The following TLL2 variants were observed in gnomAD, a reference collection of about 807,000 sequenced individuals.
TLL2 encodes tolloid-like protein 2.
In TLL2, 106 loss-of-function variants were observed where a neutral mutation model predicts 123.0. That is an observed-to-expected ratio of 0.86 (90% CI 0.74 to 1.01). The LOEUF (loss-of-function observed/expected upper bound fraction) is 1.01, where lower values mean the gene tolerates loss of function less well. Ranked by LOEUF, TLL2 falls within the 50% of genes least tolerant of loss-of-function variation. The pLI, the probability that TLL2 is intolerant of heterozygous loss-of-function variation, is 0.00. For missense variants in TLL2, 1,332 were observed against 1,336.7 expected, an observed-to-expected ratio of 1.00 and a Z score of 0.06; for synonymous variants, 494 against 516.8, an observed-to-expected ratio of 0.96 and a Z score of 0.60.
Position 96,395,878 on chromosome 10 carries a change from A to C in TLL2, c.1527T>G (p.Phe509Leu). Residue 509 changes from phenylalanine to leucine, a missense_variant, in exon 12 of 21, where the codon TTT (phenylalanine) becomes TTG (leucine). Physicochemically the swap from Phe to Leu is conservative, Grantham distance 22. Transcript: ENST00000357947. ...GFHVGLTFQA[F>L]EIERHDSCAY... ...AGCCGGTCTGAGCAGCACTCACCTCAAAAGCTTGGAAGGTAAGTCCCACGT... is the reference window on the plus strand; with the variant it reads ...AGCCGGTCTGAGCAGCACTCACCTCCAAAGCTTGGAAGGTAAGTCCCACGT... 1 of 1,614,188 alleles carries C rather than the reference A, an allele frequency of 6.2e-7. No homozygotes were observed. Among genetic ancestry groups the C allele is most frequent in the Non-Finnish European group, 8.5e-7 (1 of 1,180,024 alleles).
chr10:96,397,249 G>T lies in TLL2; in HGVS notation c.1321C>A (p.Leu441Ile), dbSNP rs138680811. The stretch of plus-strand genomic sequence containing the variant: ...CTGCTGCTGCGGAACTCCACCCAGA[G>T]CCGGCTGTCCGTGGAGACGAGGGGC... ...PEPLVSTDSRLWVEFRSSSNI... is the reference protein window; with the variant it reads ...PEPLVSTDSRIWVEFRSSSNI... Residue 441 changes from leucine (L) to isoleucine (I), a missense_variant, in exon 11 of 21, where the codon CTC becomes ATC. Transcript: ENST00000357947. 1.2e-6 allele frequency: 2 copies of T among 1,613,766 alleles called. No individual in the cohort carries two copies. The highest frequency in any genetic ancestry group is 2.7e-5 in the African/African-American group (2 of 74,922).
chr10:96,509,156 A>G (rs1230741117), intron 1 of TLL2, among the ~76,000 whole-genome samples: 1 of 152,182 alleles, frequency 6.6e-6, no homozygotes. Flanking sequence ...TGAGCGAATG[A>G]GCCTTCAGAT....
At chr10:96,492,353 G>A (rs995577146) in intron 1 of TLL2, among the ~76,000 whole-genome samples, 4 of 152,310 alleles carry the variant, frequency 2.6e-5, no homozygotes, top group East Asian at 1.9e-4. Context: ...GCTAGGCGCC[G>A]TGGCTCACGC....
chr10:96,443,954 C>T (rs1226713907), intron 3 of TLL2, among the ~76,000 whole-genome samples: 1 of 152,206 alleles, frequency 6.6e-6, no homozygotes, highest in Non-Finnish European at 1.5e-5. Context: ...GGATCTGCCT[C>T]TCTCTAAAAG....
chr10:96,368,090 A>AT lies in TLL2; in HGVS notation c.3045dup (p.Ter1016IlefsTer11). The AT allele has an allele frequency of 6.2e-7, 1 of 1,614,104 alleles. No homozygotes were observed. Among genetic ancestry groups the AT allele is most frequent in the Non-Finnish European group, 8.5e-7 (1 of 1,180,000 alleles). ...TCTGTCTTTCAAGAACATCAGCACTATTTCTTCATGTGCAGGGCATCCTGG... is the reference window on the plus strand; with the variant it reads ...TCTGTCTTTCAAGAACATCAGCACTATTTTCTTCATGTGCAGGGCATCCTGG... On this transcript the variant is annotated frameshift_variant, in exon 21 of 21. Coordinates refer to ENST00000357947, the MANE Select transcript of TLL2 (RefSeq NM_012465.4). LOFTEE classifies it high-confidence loss of function.
intron 1 of TLL2, among the ~76,000 whole-genome samples, chr10:96,486,267 G>A (rs1206398992): frequency 6.6e-6 from 1 of 152,178 alleles, no homozygotes; most frequent in Non-Finnish European, 1.5e-5. Context: ...TTTTGGAATA[G>A]CATGCTGAAA....
chr10:96,462,515 C>A (rs1202796944), intron 2 of TLL2, among the ~76,000 whole-genome samples: 1 of 152,142 alleles, frequency 6.6e-6, no homozygotes, highest in African/African-American at 2.4e-5. Context: ...CTAACCATTG[C>A]TCCCAGGAGA....
Position 96,421,071 on chromosome 10 carries a change from A to G in TLL2, c.818-10T>C. On this transcript the variant is annotated splice_polypyrimidine_tract_variant and intron_variant, in intron 6 of 20. Coordinates refer to ENST00000357947, the MANE Select transcript of TLL2 (RefSeq NM_012465.4). Reference sequence around the variant, plus strand: ...AAATTATACTCCTGACCTGTGACACAACACTGTGTTAAGCCCTTTGAAAAC... The same window carrying G: ...AAATTATACTCCTGACCTGTGACACGACACTGTGTTAAGCCCTTTGAAAAC... 6.2e-7 allele frequency: 1 copy of G among 1,610,684 alleles called. No individual in the cohort carries two copies. The highest frequency in any genetic ancestry group is 8.5e-7 in the Non-Finnish European group (1 of 1,177,042).
At chr10:96,433,485 C>T (rs920748735) in intron 3 of TLL2, among the ~76,000 whole-genome samples, 3 of 152,078 alleles carry the variant, frequency 2.0e-5, no homozygotes, top group African/African-American at 7.2e-5. Context: ...GCATCTGTAC[C>T]CTTAAGACAG....
chr10:96,384,625 G>GTGTTGTC lies in TLL2; in HGVS notation c.2149_2155dup (p.Thr719ArgfsTer17), dbSNP rs1301453142. The GTGTTGTC allele has an allele frequency of 6.2e-7, 1 of 1,607,226 alleles. No individual in the cohort carries two copies. The highest frequency in any genetic ancestry group is 8.5e-7 in the Non-Finnish European group (1 of 1,175,370). ...GGCCCTGAAGCCGCGCTTGGAGACG[G>GTGTTGTC]TGTTGTCGGACTTGAACTCCACGCG... On this transcript the variant is annotated frameshift_variant, in exon 16 of 21. Transcript: ENST00000357947. LOFTEE classifies it high-confidence loss of function.
chr10:96,400,602 G>C (rs991987363), intron 10 of TLL2, among the ~76,000 whole-genome samples: 9 of 152,328 alleles, frequency 5.9e-5, no homozygotes, highest in South Asian at 4.1e-4. Flanking sequence ...TTGGGAGGCT[G>C]CCCCTGGCTA....
intron 2 of TLL2, among the ~76,000 whole-genome samples, chr10:96,476,194 A>C (rs1384118121): frequency 7.6e-6 from 1 of 130,872 alleles, no homozygotes; most frequent in Non-Finnish European, 1.6e-5. Context: ...AAAGAGGATA[A>C]AGGTGTGGTT....
rs535066028 is a variant in TLL2, at chr10:96,380,425, A to C, written c.2195-1333T>G. On this transcript the variant is annotated intron_variant, in intron 16 of 20. Coordinates refer to ENST00000357947, the MANE Select transcript of TLL2 (RefSeq NM_012465.4). Reference sequence around the variant, plus strand: ...ACAACTAAGAGCCCTTGTAAGAAAGACCCTTTGCTTTGGGAGGCCAAGGCA... The same window carrying C: ...ACAACTAAGAGCCCTTGTAAGAAAGCCCCTTTGCTTTGGGAGGCCAAGGCA... Among the ~76,000 whole-genome samples, 11 of 152,114 alleles carry C rather than the reference A, an allele frequency of 7.2e-5. No individual in the cohort carries two copies. The East Asian group carries it at 2.1e-3, about 29-fold the overall frequency.
chr10:96,476,248 T>TTTTTTTTTTTTTTTTTTTTTTTTG lies in TLL2; in HGVS notation c.286+4100_286+4101insCAAAAAAAAAAAAAAAAAAAAAAA, dbSNP rs1285354320. Reference sequence around the variant, plus strand: ...TATATATATATATATATATTTTATTTTTGTTGTTGTTGTTGTTGTTGAGAC... The same window carrying TTTTTTTTTTTTTTTTTTTTTTTTG: ...TATATATATATATATATATTTTATTTTTTTTTTTTTTTTTTTTTTTTTTGTTGTTGTTGTTGTTGTTGTTGAGAC... On this transcript the variant is annotated intron_variant, in intron 2 of 20. Coordinates refer to ENST00000357947, the MANE Select transcript of TLL2 (RefSeq NM_012465.4). Among the ~76,000 whole-genome samples, 4 of 69,240 alleles carry TTTTTTTTTTTTTTTTTTTTTTTTG rather than the reference T, an allele frequency of 5.8e-5. 1 individual carries two copies. The highest frequency in any genetic ancestry group is 7.1e-4 in the East Asian group (1 of 1,404). The allele number at this position is 69,240 out of a possible 152,430, so 45.4% of individuals were successfully genotyped here. A position where few individuals can be genotyped will look rare whatever the true frequency, so the allele number is the denominator to read the frequency against.
Position 96,395,324 on chromosome 10 carries a change from T to G in TLL2, c.1589A>C (p.Glu530Ala), listed in dbSNP as rs1268463478. Residue 530 changes from glutamate (E) to alanine (A), a missense_variant, in exon 13 of 21, where the codon GAA becomes GCA. Physicochemically the swap from Glu to Ala is moderately radical, Grantham distance 107 (BLOSUM62 -1). Transcript: ENST00000357947. ...AAAGTGGCCGATCAGGGCACTCTCT[T>G]CCGTGGGGCCATCCCGGACTTCCAG... ...DYLEVRDGPT[E>A]ESALIGHFCG... 6.2e-7 allele frequency: 1 copy of G among 1,613,136 alleles called. No homozygotes were observed. Among genetic ancestry groups the G allele is most frequent in the African/African-American group, 1.3e-5 (1 of 74,884 alleles).
chr10:96,464,044 G>C (rs904449939), intron 2 of TLL2, among the ~76,000 whole-genome samples: 13 of 152,174 alleles, frequency 8.5e-5, no homozygotes, highest in African/African-American at 3.1e-4. Context: ...CCGAGAGCCT[G>C]CTGAATGGAG....
intron 1 of TLL2, among the ~76,000 whole-genome samples, chr10:96,490,144 G>T (rs1847397283): frequency 2.0e-5 from 3 of 151,940 alleles, no homozygotes; most frequent in Admixed American, 2.0e-4. Context: ...ATATAGCTAG[G>T]AACAACCTTG....
At position 96,428,580 on chromosome 10, in the gene TLL2, A is replaced by G. The variant is rs758267608; in HGVS notation, c.638+51T>C. 41 of 1,205,290 alleles carry G rather than the reference A, an allele frequency of 3.4e-5. 1 individual carries two copies. In the East Asian group the frequency reaches 6.3e-4, roughly 19 times the overall value. The allele number at this position is 1,205,290 out of a possible 1,614,324, so 74.7% of individuals were successfully genotyped here. The stretch of plus-strand genomic sequence containing the variant: ...GGTTTACAGAGAAAATTCAACACTC[A>G]TGAGCCATCCGACTGATTCTGCAGA... On this transcript the variant is annotated intron_variant, in intron 5 of 20. Coordinates refer to ENST00000357947, the MANE Select transcript of TLL2 (RefSeq NM_012465.4).
At chr10:96,388,363 T>C (rs1382108587) in intron 13 of TLL2, among the ~76,000 whole-genome samples, 7 of 152,182 alleles carry the variant, frequency 4.6e-5, no homozygotes, top group Non-Finnish European at 1.0e-4. Context: ...ATTGCGCCAC[T>C]GCACTCCAGC....
Sources: gnomAD v4.1 joint callset for allele counts (sites outside exome capture counted in the v4.1 genomes callset) on GRCh38, gnomAD v4.1.1 for gene constraint, MANE v1.5 for transcripts, NCBI Gene and HGNC (gene_info 2026-07-23, HGNC 2026-07-21) for gene names.